TRIML2: variants seen among roughly 807,000 people sequenced by gnomAD.
TRIML2 encodes probable E3 ubiquitin-protein ligase TRIML2.
A neutral mutation model predicts 31.2 loss-of-function variants in TRIML2; 28 were observed. The ratio of observed to expected loss-of-function variants is 0.90; its 90% CI spans 0.66 to 1.23. The LOEUF (loss-of-function observed/expected upper bound fraction) is 1.23. TRIML2 is among the 50% of genes most tolerant of loss of function. The pLI is 0.00. For synonymous variants in TRIML2, 187 were observed against 197.5 expected (o/e 0.95, Z 0.45); for missense variants, 536 against 528.3 (o/e 1.01, Z -0.14).
chr4:188,097,104 T>TAAAC lies in TRIML2; in HGVS notation c.698_701dup (p.Cys235PhefsTer23), dbSNP rs2111164723. 1.2e-6 allele frequency: 2 copies of TAAAC among 1,614,154 alleles called. No homozygotes were observed. The highest frequency in any genetic ancestry group is 4.5e-5 in the East Asian group (2 of 44,878). The stretch of plus-strand genomic sequence containing the variant: ...TGCTGCTGAGTCCTCTTATGTGGCA[T>TAAAC]AAACTCAGGTCTGTGATATGAGCGG... On this transcript the variant is annotated frameshift_variant, in exon 7 of 8. Transcript: ENST00000682553. LOFTEE classifies it low-confidence loss of function (END_TRUNC).
chr4:188,093,076 G>A (rs1432444278), intron 7 of TRIML2: 2 of 346,984 alleles, frequency 5.8e-6, no homozygotes. Flanking sequence ...CACCCAAAAT[G>A]GAACTTCAAC....
In TRIML2 at chr4:188,105,496, A is replaced by G. The variant is rs1040293913; in HGVS notation, c.-128T>C. On this transcript the variant is annotated 5_prime_UTR_variant, in exon 2 of 8. Transcript: ENST00000682553. ...GCAGGCACACACACTTGGCAACTTC[A>G]GAGTCCACGAAGATCCAAGGAAATA... is the stretch of plus-strand genomic sequence containing the variant. The G allele has an allele frequency of 1.1e-5, 7 of 621,238 alleles. No homozygotes were observed. Among genetic ancestry groups the G allele is most frequent in the African/African-American group, 1.1e-4 (6 of 55,312 alleles). 38.5% of individuals were successfully genotyped at this position (621,238 alleles called of 1,614,324 possible). A position where few individuals can be genotyped will look rare whatever the true frequency, so the allele number is the denominator to read the frequency against.
intron 7 of TRIML2, among the ~76,000 whole-genome samples, chr4:188,096,148 C>G (rs1305775627): frequency 6.6e-6 from 1 of 152,186 alleles, no homozygotes; most frequent in Non-Finnish European, 1.5e-5. Context: ...CCTGTAATCC[C>G]AGCACTTTGG....
At position 188,103,638 on chromosome 4, in the gene TRIML2, A is replaced by G. The variant is rs190878577; in HGVS notation, c.285+1199T>C. 3.4e-3 allele frequency among the ~76,000 whole-genome samples: 510 copies of G among 151,966 alleles called. 6 individuals are homozygous for G. The highest frequency in any genetic ancestry group is 0.012 in the African/African-American group (488 of 41,448). On this transcript the variant is annotated intron_variant, in intron 3 of 7. Coordinates refer to ENST00000682553, the MANE Select transcript of TRIML2 (RefSeq NM_173553.4). ...TTCTGATCACTTTATTTACAAGCTC[A>G]CTCCATTGCTTCCTTTCTCACTTAA...
intron 4 of TRIML2, 122 bp from the exon 5 acceptor site, chr4:188,099,297 T>A: frequency 7.7e-7 from 1 of 1,296,962 alleles, no homozygotes; most frequent in Non-Finnish European, 1.1e-6. Context: ...TTGGGCGCAG[T>A]GGCTCACGCC....
intron 7 of TRIML2, among the ~76,000 whole-genome samples, chr4:188,093,635 C>T (rs1733363200): frequency 6.6e-6 from 1 of 152,100 alleles, no homozygotes; most frequent in African/African-American, 2.4e-5. Context: ...GCCCTCCAGC[C>T]TGAGCAACAG....
chr4:188,098,766 G>GT (rs1375650373), intron 5 of TRIML2: 1 of 413,976 alleles, frequency 2.4e-6, no homozygotes, highest in African/African-American at 2.0e-5. Flanking sequence ...TTGCATGGAG[G>GT]TATTAACCAC....
chr4:188,107,241 C>T (rs1734080426), intron 1 of TRIML2, among the ~76,000 whole-genome samples: 1 of 152,138 alleles, frequency 6.6e-6, no homozygotes, highest in Admixed American at 6.6e-5. Flanking sequence ...ATCTGGAACT[C>T]CTGACCTCAG....
intron 5 of TRIML2, 97 bp from the exon 6 acceptor site, chr4:188,097,443 C>T (rs1250676303): frequency 3.8e-5 from 44 of 1,146,038 alleles, no homozygotes; most frequent in Non-Finnish European, 5.3e-5. Flanking sequence ...AACTCAATTT[C>T]CATGTCATTT....
Position 188,096,978 on chromosome 4 carries a change from T to A in TRIML2, c.745+83A>T, listed in dbSNP as rs151029874. ...GCCTAAAATTGTTAAACTACTGGAA[T>A]TTGTTTTCATTTATGGCAGGATGGT... On this transcript the variant is annotated intron_variant, in intron 7 of 7. Coordinates refer to ENST00000682553, the MANE Select transcript of TRIML2 (RefSeq NM_173553.4). 6.1e-3 allele frequency: 6,433 copies of A among 1,061,436 alleles called. 241 individuals carry two copies. The African/African-American group carries it at 0.085, about 14-fold the overall frequency. The allele number at this position is 1,061,436 out of a possible 1,614,324, so 65.8% of individuals were successfully genotyped here. A position where few individuals can be genotyped will look rare whatever the true frequency, so the allele number is the denominator to read the frequency against.
At chr4:188,096,316 C>A (rs531740648) in intron 7 of TRIML2, among the ~76,000 whole-genome samples, 15 of 151,816 alleles carry the variant, frequency 9.9e-5, no homozygotes, top group Non-Finnish European at 2.1e-4. Flanking sequence ...GCGTGGATCA[C>A]CTGAGATCAG....
intron 3 of TRIML2, among the ~76,000 whole-genome samples, chr4:188,104,628 G>T (rs776342396): frequency 6.6e-6 from 1 of 152,150 alleles, no homozygotes; most frequent in Non-Finnish European, 1.5e-5. Flanking sequence ...TTCCCAAAGT[G>T]CTGGGATTAC....
intron 2 of TRIML2, 88 bp from the exon 3 acceptor site, chr4:188,105,020 A>G (rs1036079689): frequency 5.7e-6 from 8 of 1,405,690 alleles, no homozygotes. Context: ...CTCTGAGTAT[A>G]TATTTTCTTA....
chr4:188,108,024 C>A (rs1331179014), intron 1 of TRIML2, among the ~76,000 whole-genome samples: 1 of 152,146 alleles, frequency 6.6e-6, no homozygotes, highest in East Asian at 1.9e-4. Context: ...CTTGAGCTCT[C>A]AGCAGCAGTT....
chr4:188,104,292 C>G (rs12501898), intron 3 of TRIML2, among the ~76,000 whole-genome samples: 50,816 of 152,050 alleles, frequency 0.33, 8,629 homozygotes, highest in African/African-American at 0.41. Context: ...AATATATTTA[C>G]TTTCTTTTCT....
intron 1 of TRIML2, among the ~76,000 whole-genome samples, chr4:188,107,418 CAAT>C (rs536171546): frequency 1.5e-3 from 231 of 152,274 alleles, no homozygotes; most frequent in African/African-American, 5.3e-3. Flanking sequence ...GGATCTTCGT[CAAT>C]AATGAGTGCA....
At chr4:188,102,512 A>G (rs996734558) in intron 3 of TRIML2, among the ~76,000 whole-genome samples, 1 of 152,146 alleles carries the variant, frequency 6.6e-6, no homozygotes, top group African/African-American at 2.4e-5. Context: ...TATATATTTG[A>G]AAGTAGTCAT....
rs1384980215 is a variant in TRIML2 at position 188,091,813 on chromosome 4, T to A, written c.874A>T (p.Met292Leu). ...GTGAAGCTCTCCGCAGCCAGCACCA[T>A]GGCACTGAAATCCAATCTTTCTGGG... Reference protein sequence around the residue: ...GNPERLDFSAMVLAAESFTSG... With the variant: ...GNPERLDFSALVLAAESFTSG... The change falls in exon 8 of 8, where the codon ATG (methionine) becomes TTG (leucine). Residue 292 changes from methionine (M) to leucine (L), a missense_variant. By Grantham distance (15) the Met-to-Leu change is conservative. Coordinates refer to ENST00000682553, the MANE Select transcript of TRIML2 (RefSeq NM_173553.4). The A allele has an allele frequency of 1.2e-6, 2 of 1,614,168 alleles. No homozygotes were observed. The highest frequency in any genetic ancestry group is 8.5e-7 in the Non-Finnish European group (1 of 1,180,044).
At chr4:188,103,292 G>A (rs1034205452) in intron 3 of TRIML2, among the ~76,000 whole-genome samples, 1 of 152,040 alleles carries the variant, frequency 6.6e-6, no homozygotes. Flanking sequence ...GAGCCACCAC[G>A]ACCAGCCTGC....
Sources: allele counts gnomAD v4.1 joint callset (sites outside exome capture counted in the v4.1 genomes callset), GRCh38; gene constraint gnomAD v4.1.1; transcripts MANE v1.5; gene names NCBI Gene and HGNC (gene_info 2026-07-23, HGNC 2026-07-21).